Variants in HMCN2 observed in about 807,000 individuals in gnomAD.
The protein encoded by HMCN2 is hemicentin 2, also known as hemicentin-2.
In HMCN2, 325 loss-of-function variants were observed where a neutral mutation model predicts 377.5. The ratio of observed to expected loss-of-function variants is 0.86; its 90% confidence interval spans 0.79 to 0.94. The LOEUF is 0.94. HMCN2 is among the 40% of genes least tolerant of loss of function. HMCN2 has a pLI of 0.00. For missense variants in HMCN2, 4,543 were observed against 4,725.3 expected, an observed-to-expected ratio of 0.96 and a Z score of 1.13; for synonymous variants, 2,007 against 2,046.8, an observed-to-expected ratio of 0.98 and a Z score of 0.53.
In HMCN2 at chr9:130,308,886, A is replaced by C. The variant is rs188877118; in HGVS notation, c.2201-1026A>C. On this transcript the variant is annotated intron_variant, in intron 14 of 97. Coordinates refer to ENST00000683500, the MANE Select transcript of HMCN2 (RefSeq NM_001291815.2). This position sits in a 1 kb window ranked among gnomAD's most constrained non-coding sequence, Gnocchi z 4.1. Reference sequence around the variant, plus strand: ...GATCCCACTTATGTGAGTTACCTAGAGATGTCAAATTCATAGAGACGAAAA... The same window carrying C: ...GATCCCACTTATGTGAGTTACCTAGCGATGTCAAATTCATAGAGACGAAAA... 4.6e-3 allele frequency among the ~76,000 whole-genome samples: 704 copies of C among 152,366 alleles called. 2 individuals carry two copies. Among genetic ancestry groups the C allele is most frequent in the Middle Eastern group, 6.8e-3 (2 of 294 alleles).
Position 130,372,286 on chromosome 9 carries a change from C to T in HMCN2, c.7238-8C>T. 1.0e-6 allele frequency: 1 copy of T among 980,192 alleles called. No homozygotes were observed. The highest frequency in any genetic ancestry group is 1.2e-6 in the Non-Finnish European group (1 of 824,740). The allele number at this position is 980,192 out of a possible 1,614,324, so 60.7% of individuals were successfully genotyped here. A position where few individuals can be genotyped will look rare whatever the true frequency, so the allele number is the denominator to read the frequency against. ...CCATGCTTGGGGCCCACGCCCCTCC[C>T]TCCCCAGGTGGCTGGATGCTGAAGA... On this transcript the variant is annotated splice_region_variant and splice_polypyrimidine_tract_variant and intron_variant, in intron 46 of 97. Transcript: ENST00000683500.
chr9:130,420,236 G>A (rs535885021), intron 86 of HMCN2, among the ~76,000 whole-genome samples: 6 of 151,966 alleles, frequency 3.9e-5, no homozygotes, highest in East Asian at 3.9e-4. Context: ...CACCATGCCC[G>A]GCTAGTTTTT....
At chr9:130,331,016 G>A (rs988298626) in intron 22 of HMCN2, among the ~76,000 whole-genome samples, 4 of 121,146 alleles carry the variant, frequency 3.3e-5, no homozygotes, top group African/African-American at 1.2e-4. Flanking sequence ...CAAATAGCCG[G>A]ACGTGGTGGT....
chr9:130,395,136 G>C (rs1436735202), intron 70 of HMCN2, 28 bp downstream of exon 70: 2 of 1,260,598 alleles, frequency 1.6e-6, no homozygotes, highest in African/African-American at 3.1e-5. Flanking sequence ...GGTGGGGGCA[G>C]GGCCGGGAGG....
At chr9:130,349,154 A>G (rs1469154795) in intron 28 of HMCN2, 23 bp downstream of exon 28, 4 of 1,300,464 alleles carry the variant, frequency 3.1e-6, no homozygotes, top group Non-Finnish European at 3.0e-6. Flanking sequence ...TGAGCCCTGT[A>G]ACTCCCAAGT....
At chr9:130,364,482 AC>A (rs1840582105) in intron 40 of HMCN2, among the ~76,000 whole-genome samples, 1 of 152,214 alleles carries the variant, frequency 6.6e-6, no homozygotes, top group Non-Finnish European at 1.5e-5. Flanking sequence ...ACACAGGGGG[AC>A]CCTGAGCTTC....
At chr9:130,290,703 C>T (rs1027157722) in intron 4 of HMCN2, among the ~76,000 whole-genome samples, 1 of 152,098 alleles carries the variant, frequency 6.6e-6, no homozygotes, top group African/African-American at 2.4e-5. Flanking sequence ...ACAGGTGGGA[C>T]CTTTTCAAGA....
chr9:130,302,514 G>A (rs1376082672), intron 8 of HMCN2, among the ~76,000 whole-genome samples: 4 of 152,178 alleles, frequency 2.6e-5, no homozygotes, highest in African/African-American at 7.2e-5. Context: ...TAGTGGAAGG[G>A]CCTGGTCCAG....
rs1482242567 is a variant in HMCN2 at position 130,360,587 on chromosome 9, A to G, written c.5933A>G (p.Tyr1978Cys). 1.5e-6 allele frequency: 2 copies of G among 1,302,360 alleles called. No individual in the cohort carries two copies. The highest frequency in any genetic ancestry group is 3.0e-5 in the African/African-American group (2 of 65,862). 80.7% of individuals were successfully genotyped at this position (1,302,360 alleles called of 1,614,324 possible). The part of the protein sequence containing the change: ...SNVAGSTELR[Y>C]GLRVNVPPRI... ...GTGGCAGGTAGCACAGAGCTGCGGTATGGCCTACGGGTCAATGGTGAGCTT... is the reference window on the plus strand; with the variant it reads ...GTGGCAGGTAGCACAGAGCTGCGGTGTGGCCTACGGGTCAATGGTGAGCTT... The change falls in exon 38 of 98, where the codon TAT becomes TGT. Residue 1978 changes from tyrosine to cysteine, a missense_variant. Tyr to Cys is a radical substitution (Grantham distance 194). Transcript: ENST00000683500. The surrounding 1 kb of genome is among the most constrained non-coding windows in gnomAD (Gnocchi z 4.7).
intron 60 of HMCN2, 45 bp from the exon 61 acceptor site, chr9:130,386,398 C>A: frequency 1.6e-6 from 2 of 1,250,876 alleles, no homozygotes; most frequent in Non-Finnish European, 1.1e-6. Context: ...TAGCACCCCA[C>A]TTCCAGCTCC....
At chr9:130,277,387 G>C (rs1448582388) in intron 1 of HMCN2, among the ~76,000 whole-genome samples, 1 of 152,218 alleles carries the variant, frequency 6.6e-6, no homozygotes. Context: ...GCAGGCACAG[G>C]ACAAGGGTCT....
At chr9:130,314,187 GC>G (rs1837420491) in intron 15 of HMCN2, among the ~76,000 whole-genome samples, 3 of 152,156 alleles carry the variant, frequency 2.0e-5, no homozygotes, top group African/African-American at 7.2e-5. Flanking sequence ...CAGGAGATGT[GC>G]TGTTTTGGAC....
At chr9:130,348,764 T>G (rs1839533686) in intron 27 of HMCN2, 89 bp downstream of exon 27, 1 of 1,271,280 alleles carries the variant, frequency 7.9e-7, no homozygotes, top group Non-Finnish European at 1.0e-6. Context: ...TGTGCCAAGG[T>G]GGGGCAGGGA....
chr9:130,332,416 G>A (rs1185159863), intron 22 of HMCN2, among the ~76,000 whole-genome samples: 3 of 152,222 alleles, frequency 2.0e-5, no homozygotes, highest in Admixed American at 2.0e-4. Context: ...GCAAAAGGGG[G>A]TGTGGTAGTG....
In HMCN2 at chr9:130,349,773, A is replaced by C. The variant is rs1839600453; in HGVS notation, c.4430+110A>C. 4 of 1,101,010 alleles carry C rather than the reference A, an allele frequency of 3.6e-6. No individual in the cohort carries two copies. The South Asian group carries it at 4.6e-5, about 13-fold the overall frequency. 68.2% of individuals were successfully genotyped at this position (1,101,010 alleles called of 1,614,324 possible). A position where few individuals can be genotyped will look rare whatever the true frequency, so the allele number is the denominator to read the frequency against. On this transcript the variant is annotated intron_variant, in intron 29 of 97. Transcript: ENST00000683500. ...TTCTTGGGGAGCTGACAGGCATGGC[A>C]TGTGCCACCCAGGGCCCAGACTGAG...
At chr9:130,399,688 C>T in intron 76 of HMCN2, 56 bp downstream of exon 76, 1 of 1,184,348 alleles carries the variant, frequency 8.4e-7, no homozygotes, top group South Asian at 1.3e-5. Flanking sequence ...CGCCTTCCCG[C>T]TCTTGGGTGC....
rs115654384 is a variant in HMCN2, at chr9:130,397,242, A to G, written c.11199-286A>G. Among the ~76,000 whole-genome samples the G allele has an allele frequency of 2.5e-3, 382 of 152,306 alleles. 3 individuals carry two copies. Among genetic ancestry groups the G allele is most frequent in the African/African-American group, 8.6e-3 (358 of 41,570 alleles). ...AGGCAAAGAGAGAGCTTATGCAGAG[A>G]AACTTACGTTTTTAAAACCATCAGA... is the stretch of plus-strand genomic sequence containing the variant. On this transcript the variant is annotated intron_variant, in intron 73 of 97. Coordinates refer to ENST00000683500, the MANE Select transcript of HMCN2 (RefSeq NM_001291815.2).
At chr9:130,277,940 CCAT>C (rs370430977) in intron 1 of HMCN2, among the ~76,000 whole-genome samples, 3,297 of 25,532 alleles carry the variant, frequency 0.13, 979 homozygotes, top group East Asian at 0.47. Flanking sequence ...ATCACCACCA[CCAT>C]CATCATCATC....
At chr9:130,421,238 G>A (rs780435325) in intron 86 of HMCN2, among the ~76,000 whole-genome samples, 4 of 151,850 alleles carry the variant, frequency 2.6e-5, no homozygotes, top group Non-Finnish European at 4.4e-5. Flanking sequence ...TTTTATCTTC[G>A]TTCGTGTTGG....
Sources: gnomAD v4.1 joint callset for allele counts (sites outside exome capture counted in the v4.1 genomes callset) on GRCh38, gnomAD v4.1.1 for gene constraint, Gnocchi (gnomAD v3.1) non-coding constraint, MANE v1.5 for transcripts, NCBI Gene and HGNC (gene_info 2026-07-23, HGNC 2026-07-21) for gene names.